Variants in CSMD1 observed in about 807,000 individuals in gnomAD.
CSMD1 encodes CUB and Sushi multiple domains 1, also known as CUB and sushi domain-containing protein 1.
In CSMD1, 213 loss-of-function variants were observed where a neutral mutation model predicts 417.5. The observed-to-expected ratio is 0.51, with a 90% CI of 0.46 to 0.57. CSMD1 has a LOEUF of 0.57. CSMD1 is among the 20% of genes least tolerant of loss of function. The pLI is 0.00. For missense variants in CSMD1, 6,923 were observed against 4,529.7 expected (o/e 1.53, Z -15.17); for synonymous variants, 2,862 against 1,736.8 (o/e 1.65, Z -16.11).
chr8:4,376,863 G>A (rs1802780846), intron 3 of CSMD1, among the ~76,000 whole-genome samples: 1 of 152,098 alleles, frequency 6.6e-6, no homozygotes, highest in Admixed American at 6.5e-5. Flanking sequence ...TCTCTGTTAT[G>A]CATTTTTACA....
intron 2 of CSMD1, among the ~76,000 whole-genome samples, chr8:4,448,848 C>G (rs1282889515): frequency 6.6e-6 from 1 of 152,146 alleles, no homozygotes; most frequent in East Asian, 1.9e-4. Context: ...TCTCTATCTT[C>G]TTTCTGATGT....
intron 3 of CSMD1, among the ~76,000 whole-genome samples, chr8:4,065,660 G>A (rs963804240): frequency 6.6e-6 from 1 of 152,164 alleles, no homozygotes; most frequent in South Asian, 2.1e-4. Flanking sequence ...TTTTAGCCAT[G>A]ACACTACCAA....
chr8:3,923,764 T>A (rs184110117), intron 5 of CSMD1, among the ~76,000 whole-genome samples: 1 of 152,304 alleles, frequency 6.6e-6, no homozygotes, highest in East Asian at 1.9e-4. Flanking sequence ...AAACATCTCC[T>A]CATTTTCACC....
At chr8:3,242,269 T>G in intron 26 of CSMD1, among the ~76,000 whole-genome samples, 1 of 151,048 alleles carries the variant, frequency 6.6e-6, no homozygotes, top group Non-Finnish European at 1.5e-5. Flanking sequence ...TGAGGAAGAT[T>G]TGGGACCTAG....
intron 3 of CSMD1, among the ~76,000 whole-genome samples, chr8:4,117,342 T>G (rs1013297964): frequency 6.6e-6 from 1 of 150,902 alleles, no homozygotes; most frequent in African/African-American, 2.4e-5. Flanking sequence ...GTACCAACAC[T>G]GTCATCGCCT....
At chr8:3,539,595 G>T (rs1325428025) in intron 10 of CSMD1, among the ~76,000 whole-genome samples, 1 of 152,002 alleles carries the variant, frequency 6.6e-6, no homozygotes, top group African/African-American at 2.4e-5. Context: ...GAATTGAAGC[G>T]AAACACAGCT....
intron 1 of CSMD1, among the ~76,000 whole-genome samples, chr8:4,666,415 G>C (rs1393763442): frequency 6.6e-6 from 1 of 152,086 alleles, no homozygotes; most frequent in Non-Finnish European, 1.5e-5. Context: ...AGCAACTACT[G>C]GTTTGAAGAG....
intron 1 of CSMD1, among the ~76,000 whole-genome samples, chr8:4,864,842 T>C (rs567692669): frequency 1.3e-5 from 2 of 149,122 alleles, no homozygotes; most frequent in African/African-American, 2.5e-5. Flanking sequence ...TTTAAAGTAA[T>C]TGGCCTAATA....
At chr8:4,774,764 C>T (rs1023115243) in intron 1 of CSMD1, among the ~76,000 whole-genome samples, 1 of 152,122 alleles carries the variant, frequency 6.6e-6, no homozygotes, top group Non-Finnish European at 1.5e-5. Flanking sequence ...CCCAGGAGAC[C>T]TTGTTGTTTA....
At chr8:3,003,516 C>T (rs1479914144) in intron 52 of CSMD1, among the ~76,000 whole-genome samples, 2 of 152,188 alleles carry the variant, frequency 1.3e-5, no homozygotes, top group Non-Finnish European at 2.9e-5. Flanking sequence ...CACCACTGGG[C>T]AGTCATGTCC....
intron 3 of CSMD1, among the ~76,000 whole-genome samples, chr8:4,120,208 A>G (rs1355001384): frequency 6.6e-6 from 1 of 152,208 alleles, no homozygotes; most frequent in East Asian, 1.9e-4. Flanking sequence ...AAAATTTAAA[A>G]TAAAAAAAAT....
At chr8:2,947,540 T>C (rs183866022) in intron 68 of CSMD1, among the ~76,000 whole-genome samples, 158 of 152,322 alleles carry the variant, frequency 1.0e-3, no homozygotes, top group Non-Finnish European at 1.9e-3. Flanking sequence ...ACCAAGCTGT[T>C]ATTTTGTTAG....
chr8:4,884,291 A>G (rs1474577096), intron 1 of CSMD1, among the ~76,000 whole-genome samples: 1 of 151,984 alleles, frequency 6.6e-6, no homozygotes, highest in Non-Finnish European at 1.5e-5. Flanking sequence ...TACCAGATAG[A>G]TGATTCGCCC....
At chr8:4,345,149 GA>G (rs1800707267) in intron 3 of CSMD1, among the ~76,000 whole-genome samples, 2 of 152,212 alleles carry the variant, frequency 1.3e-5, no homozygotes, top group South Asian at 4.1e-4. Context: ...TCAAGAAGCA[GA>G]AAACAGTGGA....
chr8:4,124,136 T>C (rs748619922), intron 3 of CSMD1, among the ~76,000 whole-genome samples: 1 of 151,962 alleles, frequency 6.6e-6, no homozygotes, highest in Non-Finnish European at 1.5e-5. Context: ...AGTCAAGTGA[T>C]GAATGTTGTC....
chr8:3,977,203 G>C (rs1005362874), intron 5 of CSMD1, among the ~76,000 whole-genome samples: 3 of 152,178 alleles, frequency 2.0e-5, no homozygotes, highest in African/African-American at 7.2e-5. Context: ...ATCACAATCA[G>C]TGAACACGTG....
intron 23 of CSMD1, among the ~76,000 whole-genome samples, chr8:3,336,514 A>T (rs1431961965): frequency 1.3e-5 from 2 of 152,234 alleles, no homozygotes; most frequent in Non-Finnish European, 2.9e-5. Flanking sequence ...CTTCACAGAT[A>T]AAATCAACAC....
At chr8:4,396,178 T>G (rs989381723) in intron 3 of CSMD1, among the ~76,000 whole-genome samples, 5 of 152,050 alleles carry the variant, frequency 3.3e-5, no homozygotes, top group African/African-American at 1.2e-4. Context: ...AAGAATAACA[T>G]TTCCAGTTGG....
chr8:3,575,437 C>T (rs1175653712), intron 9 of CSMD1, among the ~76,000 whole-genome samples: 2 of 152,128 alleles, frequency 1.3e-5, no homozygotes, highest in Non-Finnish European at 2.9e-5. Flanking sequence ...TCTCCATACA[C>T]ACCTAATTGT....
Sources: gnomAD v4.1 joint callset for allele counts (sites outside exome capture counted in the v4.1 genomes callset) on GRCh38, gnomAD v4.1.1 for gene constraint, MANE v1.5 for transcripts, NCBI Gene and HGNC (gene_info 2026-07-23, HGNC 2026-07-21) for gene names.